Variants in UVRAG observed in about 807,000 individuals in gnomAD.
UVRAG encodes UV radiation resistance-associated gene protein.
Under a neutral mutation model 78.0 loss-of-function variants are expected in UVRAG, and 19 were observed. The ratio of observed to expected loss-of-function variants is 0.24; its 90% CI spans 0.17 to 0.36. The LOEUF is 0.36. Ranked by LOEUF, UVRAG falls within the 10% of genes least tolerant of loss-of-function variation. The probability of loss-of-function intolerance (pLI) is 1.00; values close to 1 mark genes in which losing one functional copy is unlikely to be tolerated. For synonymous variants in UVRAG, 323 were observed against 324.6 expected (o/e 1.00, Z 0.05); for missense variants, 740 against 853.8 (o/e 0.87, Z 1.66).
intron 2 of UVRAG, among the ~76,000 whole-genome samples, chr11:75,857,665 G>A (rs1946322685): frequency 6.6e-6 from 1 of 151,664 alleles, no homozygotes; most frequent in African/African-American, 2.4e-5. Context: ...AATTTTTGTA[G>A]TTTTAGTAGA....
At chr11:75,955,838 T>G (rs993079622) in intron 6 of UVRAG, among the ~76,000 whole-genome samples, 1 of 152,212 alleles carries the variant, frequency 6.6e-6, no homozygotes, top group Non-Finnish European at 1.5e-5. Context: ...CAGTGAGTTA[T>G]GGTCATGCCA....
At chr11:76,032,012 G>A (rs1950446675) in intron 12 of UVRAG, among the ~76,000 whole-genome samples, 1 of 152,126 alleles carries the variant, frequency 6.6e-6, no homozygotes, top group Admixed American at 6.6e-5. Context: ...TTGTATGTTT[G>A]AATTTTTTGG....
intron 14 of UVRAG, among the ~76,000 whole-genome samples, chr11:76,138,450 G>A (rs539810338): frequency 1.3e-5 from 2 of 152,320 alleles, no homozygotes; most frequent in East Asian, 3.9e-4. Context: ...GTGGGGCAGT[G>A]GGGGTTGTCG....
chr11:75,827,946 G>C (rs946617419), intron 1 of UVRAG, among the ~76,000 whole-genome samples: 7 of 151,476 alleles, frequency 4.6e-5, no homozygotes, highest in African/African-American at 7.3e-5. Context: ...CTGTCCTCAA[G>C]AAAATCAGTA....
chr11:75,864,369 C>A (rs1946491451), intron 3 of UVRAG, among the ~76,000 whole-genome samples: 1 of 152,162 alleles, frequency 6.6e-6, no homozygotes, highest in Non-Finnish European at 1.5e-5. Context: ...TTAACTCTTT[C>A]TTTCTGAGGG....
At chr11:75,918,012 A>G (rs1486172942) in intron 6 of UVRAG, among the ~76,000 whole-genome samples, 1 of 152,136 alleles carries the variant, frequency 6.6e-6, no homozygotes, top group Non-Finnish European at 1.5e-5. Context: ...AGAGGCTATC[A>G]TATAAACCAG....
At chr11:76,075,024 A>G (rs1238035332) in intron 13 of UVRAG, among the ~76,000 whole-genome samples, 3 of 152,208 alleles carry the variant, frequency 2.0e-5, no homozygotes, top group South Asian at 2.1e-4. Context: ...GTGCACAGCT[A>G]TTTAGAAGGG....
chr11:76,093,542 G>A (rs1233558484), intron 13 of UVRAG, among the ~76,000 whole-genome samples: 1 of 152,108 alleles, frequency 6.6e-6, no homozygotes, highest in Non-Finnish European at 1.5e-5. Flanking sequence ...ATTGAGCAAT[G>A]GTTTGTAGTT....
chr11:75,951,863 G>T (rs993942698), intron 6 of UVRAG, among the ~76,000 whole-genome samples: 1 of 152,018 alleles, frequency 6.6e-6, no homozygotes. Context: ...AAAGCAGTTT[G>T]CCAATTTCTA....
At chr11:76,007,685 C>G (rs551251738) in intron 10 of UVRAG, 64 bp downstream of exon 10, 1 of 1,311,406 alleles carries the variant, frequency 7.6e-7, no homozygotes, top group Non-Finnish European at 1.1e-6. Context: ...ATGACATTTC[C>G]TCTCAATGAA....
chr11:75,947,947 G>A (rs1565393742), intron 6 of UVRAG, among the ~76,000 whole-genome samples: 1 of 152,134 alleles, frequency 6.6e-6, no homozygotes, highest in Non-Finnish European at 1.5e-5. Context: ...CTATGTGCCA[G>A]GCACTGTATT....
intron 12 of UVRAG, among the ~76,000 whole-genome samples, chr11:76,024,061 A>G (rs1413836669): frequency 1.3e-5 from 2 of 152,184 alleles, no homozygotes; most frequent in Non-Finnish European, 2.9e-5. Context: ...GATATTTCCA[A>G]CCAGCCTTCT....
chr11:75,955,260 T>C (rs1948772278), intron 6 of UVRAG, among the ~76,000 whole-genome samples: 1 of 152,128 alleles, frequency 6.6e-6, no homozygotes, highest in South Asian at 2.1e-4. Context: ...ATTGGATTCC[T>C]TAGGAGCCCT....
chr11:75,955,251 T>C (rs945811692), intron 6 of UVRAG, among the ~76,000 whole-genome samples: 1 of 152,168 alleles, frequency 6.6e-6, no homozygotes, highest in Non-Finnish European at 1.5e-5. Flanking sequence ...ATCTCCTCTA[T>C]TGGATTCCTT....
intron 3 of UVRAG, among the ~76,000 whole-genome samples, chr11:75,875,230 G>C (rs1257277697): frequency 6.6e-6 from 1 of 152,108 alleles, no homozygotes. Context: ...CATTCTTGCA[G>C]CAAAAATGTT....
chr11:76,100,833 C>G (rs1171802405), intron 13 of UVRAG, among the ~76,000 whole-genome samples: 4 of 152,108 alleles, frequency 2.6e-5, no homozygotes, highest in African/African-American at 9.7e-5. Flanking sequence ...TCATCTAGCT[C>G]CCACTTGCAA....
chr11:75,851,547 G>A (rs1405070649), intron 1 of UVRAG, among the ~76,000 whole-genome samples: 1 of 152,176 alleles, frequency 6.6e-6, no homozygotes, highest in African/African-American at 2.4e-5. Flanking sequence ...ATCCCTCTGT[G>A]GAGAAAACCA....
At chr11:75,830,644 T>C (rs962209597) in intron 1 of UVRAG, among the ~76,000 whole-genome samples, 1 of 152,194 alleles carries the variant, frequency 6.6e-6, no homozygotes, top group African/African-American at 2.4e-5. Context: ...AAGGTAACTT[T>C]GGAAAAAGTG....
intron 12 of UVRAG, among the ~76,000 whole-genome samples, chr11:76,063,088 T>C (rs1470893579): frequency 6.6e-6 from 1 of 152,224 alleles, no homozygotes; most frequent in Admixed American, 6.5e-5. Context: ...TCCAAATATT[T>C]TTCACAAATA....
Sources: allele counts gnomAD v4.1 joint callset (sites outside exome capture counted in the v4.1 genomes callset), GRCh38; gene constraint gnomAD v4.1.1; transcripts MANE v1.5; gene names NCBI Gene and HGNC (gene_info 2026-07-23, HGNC 2026-07-21).